The following TACC2 variants were observed in gnomAD, a reference collection of about 807,000 sequenced individuals.
TACC2 encodes the protein transforming acidic coiled-coil containing protein 2, also known as transforming acidic coiled-coil-containing protein 2.
Under a neutral mutation model 227.3 loss-of-function variants are expected in TACC2, and 137 were observed. The observed-to-expected ratio is 0.60, with a 90% CI of 0.52 to 0.69. The LOEUF (loss-of-function observed/expected upper bound fraction) is 0.69, where lower values mean the gene tolerates loss of function less well. Among genes scored for constraint, TACC2 ranks in the 30% least tolerant of loss-of-function variants. TACC2 has a pLI of 0.00. For missense variants in TACC2, 3,470 were observed against 3,694.4 expected (o/e 0.94, Z 1.57); for synonymous variants, 1,523 against 1,487.5 (o/e 1.02, Z -0.55).
intron 7 of TACC2, among the ~76,000 whole-genome samples, chr10:122,183,259 C>T (rs1327126683): frequency 2.0e-5 from 3 of 152,004 alleles, no homozygotes; most frequent in Admixed American, 2.0e-4. Flanking sequence ...GCTTAGGAGC[C>T]AGGATTCTAA....
chr10:122,008,505 C>T (rs1264657026), intron 1 of TACC2, among the ~76,000 whole-genome samples: 5 of 151,442 alleles, frequency 3.3e-5, no homozygotes, highest in African/African-American at 1.2e-4. Flanking sequence ...GGTGATCTGC[C>T]CGCCTTGGCC....
intron 7 of TACC2, among the ~76,000 whole-genome samples, chr10:122,176,073 TTCTCTCTCTCTCTCTCTCTC>T (rs55655832): frequency 2.9e-4 from 27 of 92,776 alleles, no homozygotes; most frequent in Non-Finnish European, 3.7e-4. Flanking sequence ...GAGCAAAACC[TTCTCTCTCTCTCTCTCTCTC>T]TCTCTCTCTC....
At chr10:122,103,607 T>A (rs2082411056) in intron 5 of TACC2, among the ~76,000 whole-genome samples, 1 of 152,244 alleles carries the variant, frequency 6.6e-6, no homozygotes, top group Non-Finnish European at 1.5e-5. Flanking sequence ...ATTTTGCCAC[T>A]CTTCAAAGCT....
intron 2 of TACC2, among the ~76,000 whole-genome samples, chr10:122,025,858 G>A (rs1274195723): frequency 6.6e-6 from 1 of 151,644 alleles, no homozygotes; most frequent in Non-Finnish European, 1.5e-5. Flanking sequence ...ACAGGCGTAA[G>A]CCACTGCACC....
Position 121,994,693 on chromosome 10 carries a change from A to G in TACC2, c.-46+5205A>G, listed in dbSNP as rs185682553. On this transcript the variant is annotated intron_variant, in intron 1 of 22. Transcript: ENST00000369005. ...TCCCGCTTCTCTCCTCCTCCTCTCCACGCTGGGGGGATCCTGGGTGAGTGA... is the reference window on the plus strand; with the variant it reads ...TCCCGCTTCTCTCCTCCTCCTCTCCGCGCTGGGGGGATCCTGGGTGAGTGA... 897 of 152,854 alleles carry G rather than the reference A, an allele frequency of 5.9e-3. 8 individuals are homozygous for G. Among genetic ancestry groups the G allele is most frequent in the South Asian group, 0.028 (133 of 4,826 alleles). The allele number at this position is 152,854 out of a possible 1,614,324, so 9.5% of individuals were successfully genotyped here. A position where few individuals can be genotyped will look rare whatever the true frequency, so the allele number is the denominator to read the frequency against.
intron 5 of TACC2, among the ~76,000 whole-genome samples, chr10:122,099,801 A>T (rs1362493152): frequency 6.6e-6 from 1 of 152,200 alleles, no homozygotes. Context: ...TGCAGGGTTT[A>T]GTTTTGTTTT....
intron 19 of TACC2, chr10:122,247,521 A>G (rs978961289): frequency 6.6e-6 from 1 of 152,238 alleles, no homozygotes; most frequent in Non-Finnish European, 1.5e-5. Context: ...TAGAGTAGTC[A>G]GAGAAGGCCT....
intron 7 of TACC2, among the ~76,000 whole-genome samples, chr10:122,148,114 T>TC (rs2091618329): frequency 6.6e-6 from 1 of 151,482 alleles, no homozygotes; most frequent in East Asian, 1.9e-4. Context: ...TTTTTTTTTT[T>TC]TTTTTTTAGG....
At position 121,999,017 on chromosome 10, in the gene TACC2, T is replaced by C. The variant is rs900377046; in HGVS notation, c.-46+9529T>C. 2.3e-4 allele frequency among the ~76,000 whole-genome samples: 35 copies of C among 151,618 alleles called. 1 individual carries two copies. Among genetic ancestry groups the C allele is most frequent in the Admixed American group, 3.3e-4 (5 of 15,222 alleles). On this transcript the variant is annotated intron_variant, in intron 1 of 22. Coordinates refer to ENST00000369005, the MANE Select transcript of TACC2 (RefSeq NM_206862.4). ...GAGTGGCCATTTCTTTCTTTCTTTT[T>C]TTTTTTTTTTGAGACGGAGTCTTGC...
At chr10:122,132,066 A>AG (rs376432262) in intron 5 of TACC2, among the ~76,000 whole-genome samples, 3 of 58,232 alleles carry the variant, frequency 5.2e-5, no homozygotes, top group African/African-American at 2.1e-4. Flanking sequence ...GAAAGAAAGA[A>AG]AAAGAAAGAA....
intron 1 of TACC2, among the ~76,000 whole-genome samples, chr10:121,990,342 C>T (rs12244921): frequency 0.16 from 24,030 of 151,444 alleles, 2,205 homozygotes; most frequent in Admixed American, 0.24. Context: ...GGTCTCAAAC[C>T]CCTAGGCTCA....
chr10:122,191,343 A>G (rs1471659858), intron 7 of TACC2, among the ~76,000 whole-genome samples: 1 of 152,202 alleles, frequency 6.6e-6, no homozygotes, highest in Non-Finnish European at 1.5e-5. Flanking sequence ...TGCCCGACAC[A>G]TAACAGTATA....
intron 3 of TACC2, among the ~76,000 whole-genome samples, chr10:122,056,164 G>A (rs2076191750): frequency 6.6e-6 from 1 of 152,112 alleles, no homozygotes; most frequent in Admixed American, 6.5e-5. Flanking sequence ...GCCTGTGAAG[G>A]GGCATTTCTT....
chr10:122,134,042 TG>T (rs1341015736), intron 6 of TACC2, among the ~76,000 whole-genome samples: 1 of 151,080 alleles, frequency 6.6e-6, no homozygotes, highest in Non-Finnish European at 1.5e-5. Context: ...AGGTACCTGG[TG>T]GGGGAGAAAG....
chr10:122,231,903 A>C (rs2095757527), intron 16 of TACC2, among the ~76,000 whole-genome samples: 1 of 152,172 alleles, frequency 6.6e-6, no homozygotes, highest in South Asian at 2.1e-4. Context: ...GCTCATCTGC[A>C]GGGGGGCAGT....
chr10:122,065,037 A>G (rs1377216989), intron 3 of TACC2, among the ~76,000 whole-genome samples: 1 of 152,210 alleles, frequency 6.6e-6, no homozygotes, highest in Non-Finnish European at 1.5e-5. Context: ...AGCAAATAGT[A>G]TGTATGCTTT....
At position 122,211,614 on chromosome 10, in the gene TACC2, T is replaced by C. The variant is rs186794327; in HGVS notation, c.7189T>C (p.Ser2397Pro). ...TPSSPSKSPA[S>P]FEIPASAMEA... is the part of the protein sequence containing the mutation. ...CAGCTCACCTTCTAAATCCCCAGCC[T>C]CCTTTGAGATCCCAGCCAGTGCTAT... The change falls in exon 9 of 23, where the codon TCC becomes CCC. Residue 2397 changes from serine (S) to proline (P), a missense_variant. Around this residue, in one of 10 missense-constraint regions of TACC2, gnomAD observed 593 missense variants for 636.6 expected, o/e 0.93. Coordinates refer to ENST00000369005, the MANE Select transcript of TACC2 (RefSeq NM_206862.4). The C allele has an allele frequency of 8.6e-5, 139 of 1,613,430 alleles. No individual in the cohort carries two copies. Among genetic ancestry groups the C allele is most frequent in the Middle Eastern group, 8.3e-4 (5 of 6,056 alleles).
intron 1 of TACC2, among the ~76,000 whole-genome samples, chr10:121,996,287 C>T (rs942367039): frequency 3.9e-5 from 6 of 152,090 alleles, no homozygotes; most frequent in Admixed American, 6.6e-5. Context: ...TCAGGCTGAG[C>T]TCAAGCGATC....
At chr10:122,121,904 T>C (rs2085883180) in intron 5 of TACC2, among the ~76,000 whole-genome samples, 1 of 152,164 alleles carries the variant, frequency 6.6e-6, no homozygotes, top group African/African-American at 2.4e-5. Flanking sequence ...CGCTGAACTC[T>C]GGACAGGAGC....
Sources: allele counts gnomAD v4.1 joint callset (sites outside exome capture counted in the v4.1 genomes callset), GRCh38; gene constraint gnomAD v4.1.1; regional missense constraint gnomAD v4.1.1; transcripts MANE v1.5; gene names NCBI Gene and HGNC (gene_info 2026-07-23, HGNC 2026-07-21).